The following HK1 variants were observed in gnomAD, a reference collection of about 807,000 sequenced individuals.
The protein encoded by HK1 is hexokinase 1, also known as hexokinase-1.
A neutral mutation model predicts 91.6 loss-of-function variants in HK1; 28 were observed. The observed-to-expected ratio is 0.31, with a 90% CI of 0.23 to 0.42. The LOEUF (loss-of-function observed/expected upper bound fraction) is 0.42, where lower values mean the gene tolerates loss of function less well. Among genes scored for constraint, HK1 ranks in the 10% least tolerant of loss-of-function variants. HK1 has a pLI of 1.00. For missense variants in HK1, 770 were observed against 1,219.8 expected (o/e 0.63, Z 5.49); for synonymous variants, 430 against 468.1 (o/e 0.92, Z 1.05).
At chr10:69,368,808 C>G (rs570650218) in intron 5 of HK1, among the ~76,000 whole-genome samples, 177 bp downstream of exon 5, 1 of 152,038 alleles carries the variant, frequency 6.6e-6, no homozygotes, top group Non-Finnish European at 1.5e-5. Flanking sequence ...GTGCAAAGCC[C>G]AGCTCTCGGA....
chr10:69,285,281 G>A lies in HK1; in HGVS notation c.-215+2577G>A, dbSNP rs1047945745. 7.2e-4 allele frequency among the ~76,000 whole-genome samples: 109 copies of A among 152,098 alleles called. 3 individuals carry two copies. The highest frequency in any genetic ancestry group is 8.8e-5 in the Non-Finnish European group (6 of 67,994). On this transcript the variant is annotated intron_variant, in intron 2 of 21. Coordinates refer to the HK1 transcript ENST00000360289. ...CTACTGAAAATACAAAAAATTAGCC[G>A]GGCGAGGTGGCGGGCGCCTGTAGTC... is the stretch of plus-strand genomic sequence containing the variant.
At chr10:69,400,849 TC>T (rs1419098547) in intron 17 of HK1, 141 bp from the exon 18 acceptor site, 4 of 873,504 alleles carry the variant, frequency 4.6e-6, no homozygotes, top group Non-Finnish European at 5.7e-6. Flanking sequence ...GATGCTTATG[TC>T]CTGATAAACC....
intron 5 of HK1, among the ~76,000 whole-genome samples, chr10:69,310,037 C>T (rs1406055999): frequency 2.1e-5 from 3 of 141,218 alleles, no homozygotes; most frequent in East Asian, 2.1e-4. Flanking sequence ...GCAACAAGAG[C>T]GAAACTCCAT....
rs553123572 is a variant in HK1, at chr10:69,382,267, C to T, written c.1266-220C>T. ...TTAGCCGGGCGTGGCCCCAGCTACT[C>T]GGGAGGCTAAGGTGGGAGGATCACC... On this transcript the variant is annotated intron_variant, in intron 9 of 17. Coordinates refer to ENST00000359426, the MANE Select transcript of HK1 (RefSeq NM_000188.3). Among the ~76,000 whole-genome samples the T allele has an allele frequency of 1.5e-3, 234 of 152,138 alleles. 1 individual carries two copies. Among genetic ancestry groups the T allele is most frequent in the Middle Eastern group, 6.8e-3 (2 of 294 alleles).
At chr10:69,292,925 A>C (rs1455017901) in intron 3 of HK1, among the ~76,000 whole-genome samples, 2 of 152,092 alleles carry the variant, frequency 1.3e-5, no homozygotes, top group African/African-American at 4.8e-5. Context: ...AGCAGCCCTG[A>C]GATTGGTTGG....
chr10:69,362,451 TA>T (rs1849480377), intron 3 of HK1, among the ~76,000 whole-genome samples: 1 of 149,408 alleles, frequency 6.7e-6, no homozygotes, highest in Non-Finnish European at 1.5e-5. Flanking sequence ...TTTTTTTTTT[TA>T]AGACACTAAA....
rs4746837 is a variant in HK1, at chr10:69,295,703, T to C, written c.-67+23T>C. On this transcript the variant is annotated intron_variant, in intron 4 of 21. Coordinates refer to the HK1 transcript ENST00000360289. ...GAGGTAAGAAAGCTATTTTTTTTTT[T>C]ATTTCCTTCTGTAACATTTTCTGTA... The C allele has an allele frequency of 0.71, 1,025,311 of 1,446,312 alleles. 361,558 individuals carry two copies. The highest frequency in any genetic ancestry group is 0.85 in the East Asian group (36,947 of 43,544). 89.6% of individuals were successfully genotyped at this position (1,446,312 alleles called of 1,614,324 possible).
At chr10:69,383,033 G>T (rs553937871) in intron 10 of HK1, among the ~76,000 whole-genome samples, 4 of 152,154 alleles carry the variant, frequency 2.6e-5, no homozygotes, top group Non-Finnish European at 5.9e-5. Context: ...TAAAACCACA[G>T]CCCTGCTCAG....
At chr10:69,383,276 C>T (rs73267665) in intron 10 of HK1, among the ~76,000 whole-genome samples, 5,540 of 152,328 alleles carry the variant, frequency 0.036, 154 homozygotes, top group African/African-American at 0.071. Context: ...GAAGGATAAA[C>T]ACTCAGTGTA....
At position 69,381,678 on chromosome 10, in the gene HK1, C is replaced by T. The variant is rs1002372633; in HGVS notation, c.1266-809C>T. ...CAGCAATTCTCCTGCCTCAGCCTCC[C>T]GAGTAGCTGGAATTACAGGCATCTG... On this transcript the variant is annotated intron_variant, in intron 9 of 17. Coordinates refer to ENST00000359426, the MANE Select transcript of HK1 (RefSeq NM_000188.3). Among the ~76,000 whole-genome samples the T allele has an allele frequency of 3.9e-5, 6 of 152,022 alleles. No homozygotes were observed. In the South Asian group the frequency reaches 6.2e-4, roughly 16 times the overall value.
chr10:69,375,150 C>A (rs1330557045), intron 7 of HK1, among the ~76,000 whole-genome samples: 3 of 152,162 alleles, frequency 2.0e-5, no homozygotes, highest in Admixed American at 6.5e-5. Context: ...TAATGTCTCC[C>A]TCCTAGGGTT....
chr10:69,352,337 G>T (rs894202206), intron 2 of HK1, among the ~76,000 whole-genome samples: 4 of 152,122 alleles, frequency 2.6e-5, no homozygotes, highest in Non-Finnish European at 4.4e-5. Context: ...TACTGTTGGA[G>T]TTAGGACTCC....
chr10:69,272,404 C>T (rs1346239743), intron 1 of HK1, among the ~76,000 whole-genome samples: 2 of 152,292 alleles, frequency 1.3e-5, no homozygotes, highest in South Asian at 4.1e-4. Context: ...TATTTAGAGA[C>T]AGATCTTAGA....
chr10:69,349,756 T>TA (rs1158648240), intron 2 of HK1, among the ~76,000 whole-genome samples: 10 of 152,196 alleles, frequency 6.6e-5, no homozygotes, highest in African/African-American at 2.4e-4. Flanking sequence ...AAGGGACTGA[T>TA]AGGTCCCTTT....
At chr10:69,325,495 T>C (rs567712395) in intron 1 of HK1, among the ~76,000 whole-genome samples, 3 of 151,836 alleles carry the variant, frequency 2.0e-5, no homozygotes, top group Admixed American at 2.0e-4. Context: ...GTAGCTGGGA[T>C]TACAGGCACC....
chr10:69,276,118 A>AAAAAAAAAAAAAAAT, intron 1 of HK1, among the ~76,000 whole-genome samples: 1 of 38,262 alleles, frequency 2.6e-5, no homozygotes, highest in Non-Finnish European at 5.1e-5. Flanking sequence ...AAAAAAAAAA[A>AAAAAAAAAAAAAAAT]ATACATATAT....
chr10:69,272,156 G>A lies in HK1; in HGVS notation c.-391+2048G>A, dbSNP rs192425232. 3.2e-4 allele frequency among the ~76,000 whole-genome samples: 48 copies of A among 152,282 alleles called. No individual in the cohort carries two copies. In the Middle Eastern group the frequency reaches 0.014, roughly 43 times the overall value. ...TGGGATTATAGGCGTGAACCACTGC[G>A]CCTGACCCAATATATTTGTGATTTC... On this transcript the variant is annotated intron_variant, in intron 1 of 21. Transcript: ENST00000360289.
intron 2 of HK1, among the ~76,000 whole-genome samples, chr10:69,287,468 C>T (rs1362186738): frequency 6.6e-6 from 1 of 152,188 alleles, no homozygotes; most frequent in Non-Finnish European, 1.5e-5. Context: ...CAAAGCCTAA[C>T]CATATCACAC....
At chr10:69,295,303 T>C (rs1164912271) in intron 3 of HK1, among the ~76,000 whole-genome samples, 1 of 152,158 alleles carries the variant, frequency 6.6e-6, no homozygotes, top group Non-Finnish European at 1.5e-5. Context: ...GACCGGCACA[T>C]CTGTCTTTCT....
Sources: allele counts gnomAD v4.1 joint callset (sites outside exome capture counted in the v4.1 genomes callset), GRCh38; gene constraint gnomAD v4.1.1; transcripts MANE v1.5; gene names NCBI Gene and HGNC (gene_info 2026-07-23, HGNC 2026-07-21).